PTOV1: variants seen among roughly 807,000 people sequenced by gnomAD.
PTOV1 encodes PTOV1 extended AT-hook containing adaptor protein.
Under a neutral mutation model 58.0 loss-of-function variants are expected in PTOV1, and 20 were observed. The ratio of observed to expected loss-of-function variants is 0.34; its 90% CI spans 0.24 to 0.50. PTOV1 has a LOEUF of 0.50. Among genes scored for constraint, PTOV1 ranks in the 20% least tolerant of loss-of-function variants. The pLI is 0.98. For missense variants in PTOV1, 593 were observed against 565.4 expected, an observed-to-expected ratio of 1.05 and a Z score of -0.50; for synonymous variants, 335 against 234.2, an observed-to-expected ratio of 1.43 and a Z score of -3.93.
At chr19:49,855,104 A>C in intron 5 of PTOV1, 27 bp downstream of exon 5, 2 of 1,545,220 alleles carry the variant, frequency 1.3e-6, no homozygotes, top group Non-Finnish European at 1.8e-6. Flanking sequence ...CCCTTGTAGC[A>C]CTGTGGTGAC....
At chr19:49,854,338 G>T in intron 1 of PTOV1, 68 bp from the exon 2 acceptor site, 2 of 1,550,600 alleles carry the variant, frequency 1.3e-6, no homozygotes, top group Admixed American at 1.8e-5. Context: ...CCTCTGGGGT[G>T]TGTGGGGACT....
At chr19:49,857,105 G>A (rs538029470) in exon 6 of PTOV1, 20 of 1,614,044 alleles carry the variant, frequency 1.2e-5, no homozygotes, top group South Asian at 5.5e-5. Flanking sequence ...AGTGCCATCC[G>A]GCAGGTCATC....
exon 12 of PTOV1, chr19:49,860,395 T>C (rs2074702694): frequency 1.1e-6 from 1 of 870,834 alleles, no homozygotes; most frequent in East Asian, 3.3e-5. Flanking sequence ...GGGGGTGGGG[T>C]TGGGAAAGAA....
chr19:49,854,571 C>T (rs1049733815), intron 2 of PTOV1, 28 bp downstream of exon 2: 1 of 1,612,604 alleles, frequency 6.2e-7, no homozygotes, highest in Non-Finnish European at 8.5e-7. Context: ...TGCGGCTGGC[C>T]TCCAGGGTCT....
chr19:49,859,962 G>A, intron 10 of PTOV1, 24 bp from the exon 11 acceptor site: 2 of 1,613,580 alleles, frequency 1.2e-6, no homozygotes, highest in Non-Finnish European at 1.7e-6. Context: ...GCTGTCTGGT[G>A]ACACCACGCC....
At chr19:49,858,247 T>C (rs1600393376) in intron 9 of PTOV1, 133 bp downstream of exon 9, 1 of 1,181,982 alleles carries the variant, frequency 8.5e-7, no homozygotes, top group South Asian at 1.5e-5. Flanking sequence ...CTGAAGCAGG[T>C]GTGGTGGGTA....
chr19:49,855,322 G>C, intron 5 of PTOV1: 1 of 540,270 alleles, frequency 1.9e-6, no homozygotes, highest in Non-Finnish European at 3.4e-6. Flanking sequence ...GTGGCCCTGG[G>C]GGCGTGAGTG....
exon 3 of PTOV1, chr19:49,854,691 C>A (rs760556849): frequency 2.5e-6 from 4 of 1,613,338 alleles, no homozygotes; most frequent in Non-Finnish European, 3.4e-6. Flanking sequence ...AAAGCTGAAG[C>A]GGACCCTGCC....
intron 5 of PTOV1, among the ~76,000 whole-genome samples, chr19:49,855,837 G>A (rs1358794027): frequency 1.3e-5 from 2 of 152,092 alleles, no homozygotes; most frequent in Non-Finnish European, 1.5e-5. Context: ...CCTAGTGAGT[G>A]CTGGGTGAAC....
chr19:49,856,168 C>T (rs1251482244), intron 5 of PTOV1: 1 of 152,354 alleles, frequency 6.6e-6, no homozygotes, highest in Middle Eastern at 3.4e-3. Context: ...CACCCAGCAC[C>T]GTTTGTTGAG....
At position 49,858,309 on chromosome 19, in the gene PTOV1, C is replaced by T. The variant is rs1198802622; in HGVS notation, c.936+195C>T. 3 of 795,488 alleles carry T rather than the reference C, an allele frequency of 3.8e-6. No homozygotes were observed. In the Admixed American group the frequency reaches 7.9e-5, roughly 21 times the overall value. The allele number at this position is 795,488 out of a possible 1,614,324, so 49.3% of individuals were successfully genotyped here. On this transcript the variant is annotated intron_variant, in intron 9 of 11. Transcript: ENST00000391842. ...CCCAGGCAGCCAGCTGGTGGCTGTG[C>T]AGGGACTGAGCGGGGCAGGGGCAGC...
exon 8 of PTOV1, chr19:49,857,973 A>C: frequency 6.2e-7 from 1 of 1,613,422 alleles, no homozygotes; most frequent in Non-Finnish European, 8.5e-7. Context: ...CCAGGGGGAG[A>C]TCCTGTGAGT....
Position 49,858,715 on chromosome 19 carries a change from C to T in PTOV1, c.1041+62C>T, listed in dbSNP as rs938425686. The T allele has an allele frequency of 2.9e-6, 4 of 1,370,908 alleles. No homozygotes were observed. In the African/African-American group the frequency reaches 4.3e-5, roughly 15 times the overall value. The allele number at this position is 1,370,908 out of a possible 1,614,324, so 84.9% of individuals were successfully genotyped here. On this transcript the variant is annotated intron_variant, in intron 10 of 11. Transcript: ENST00000391842. ...CAGGGCAGAGCGAGCCCGGACCGCT[C>T]ACGGGGGCGGACATGGGAGAGGAAC...
chr19:49,853,493 T>TGAAAA (rs2074336726), intron 1 of PTOV1, among the ~76,000 whole-genome samples: 3 of 113,596 alleles, frequency 2.6e-5, no homozygotes, highest in Admixed American at 1.8e-4. Flanking sequence ...CCATCTCTAC[T>TGAAAA]AAAAAAAAAA....
At chr19:49,855,042 C>T (rs964874871) in exon 5 of PTOV1, 6 of 1,598,610 alleles carry the variant, frequency 3.8e-6, no homozygotes, top group Non-Finnish European at 5.1e-6. Context: ...CTGCGACTCG[C>T]TCAAGGGGCT....
At chr19:49,857,723 C>T (rs776333813) in exon 7 of PTOV1, 2 of 1,614,142 alleles carry the variant, frequency 1.2e-6, no homozygotes, top group Non-Finnish European at 1.7e-6. Context: ...CAACTCAGGC[C>T]CAGTCCAGAT....
intron 6 of PTOV1, 90 bp downstream of exon 6, chr19:49,857,220 T>C: frequency 1.3e-6 from 2 of 1,513,652 alleles, no homozygotes; most frequent in Non-Finnish European, 9.1e-7. Context: ...GTGGGCGGAG[T>C]GTGATGCGAT....
exon 12 of PTOV1, chr19:49,860,394 G>GT: frequency 2.9e-6 from 2 of 690,690 alleles, no homozygotes; most frequent in Non-Finnish European, 4.9e-6. Flanking sequence ...GGGGGGTGGG[G>GT]TTGGGAAAGA....
exon 6 of PTOV1, chr19:49,857,010 T>C: frequency 6.2e-7 from 1 of 1,613,730 alleles, no homozygotes; most frequent in South Asian, 1.1e-5. Context: ...TCTCCCCCTG[T>C]GAGGTGCGCG....
Sources: gnomAD v4.1 joint callset for allele counts (sites outside exome capture counted in the v4.1 genomes callset) on GRCh38, gnomAD v4.1.1 for gene constraint, MANE v1.5 for transcripts, NCBI Gene and HGNC (gene_info 2026-07-23, HGNC 2026-07-21) for gene names.